JARID2: variants seen among roughly 807,000 people sequenced by gnomAD.
JARID2 encodes jumonji and AT-rich interaction domain containing 2.
A neutral mutation model predicts 125.6 loss-of-function variants in JARID2; 21 were observed. That is an observed-to-expected ratio of 0.17 (90% CI 0.12 to 0.24). The LOEUF is 0.24. Among genes scored for constraint, JARID2 ranks in the 10% least tolerant of loss-of-function variants. The pLI is 1.00. For synonymous variants in JARID2, 736 were observed against 661.6 expected (o/e 1.11, Z -1.73); for missense variants, 1,303 against 1,639.6 (o/e 0.79, Z 3.55).
chr6:15,447,849 C>T (rs945130895), intron 3 of JARID2, among the ~76,000 whole-genome samples: 3 of 152,352 alleles, frequency 2.0e-5, no homozygotes, highest in Non-Finnish European at 4.4e-5. Flanking sequence ...CTGCTCCTGC[C>T]ATTAGCATCT....
intron 3 of JARID2, among the ~76,000 whole-genome samples, chr6:15,433,596 A>G (rs1767065442): frequency 6.6e-6 from 1 of 152,192 alleles, no homozygotes; most frequent in African/African-American, 2.4e-5. Flanking sequence ...TTAGGCGGTC[A>G]TATGCTGGCT....
At chr6:15,448,093 A>G (rs957958149) in intron 3 of JARID2, among the ~76,000 whole-genome samples, 1 of 152,132 alleles carries the variant, frequency 6.6e-6, no homozygotes, top group Non-Finnish European at 1.5e-5. Context: ...TAGACAATAC[A>G]GGTTCTTCTG....
intron 1 of JARID2, among the ~76,000 whole-genome samples, chr6:15,269,072 T>TGTGCTGAACCATCATGTCTTTG (rs1253085232): frequency 6.6e-6 from 1 of 152,224 alleles, no homozygotes; most frequent in Non-Finnish European, 1.5e-5. Context: ...TATCAAAAGA[T>TGTGCTGAACCATCATGTCTTTG]GTGCTGAACC....
chr6:15,468,170 T>TG (rs1491198702), intron 4 of JARID2, among the ~76,000 whole-genome samples: 1 of 29,016 alleles, frequency 3.4e-5, no homozygotes, highest in Non-Finnish European at 6.6e-5. Flanking sequence ...CTTCTCTGTC[T>TG]TTTTTTTTTT....
chr6:15,376,965 G>A (rs975007125), intron 2 of JARID2, among the ~76,000 whole-genome samples: 1 of 152,142 alleles, frequency 6.6e-6, no homozygotes, highest in African/African-American at 2.4e-5. Context: ...GCATATATAT[G>A]TGGACGTGTC....
chr6:15,508,937 T>A, intron 12 of JARID2: 1 of 1,287,018 alleles, frequency 7.8e-7, no homozygotes, highest in Non-Finnish European at 1.0e-6. Context: ...ATATAAACCG[T>A]GGTATTTCAT....
At chr6:15,270,986 A>G (rs1760277209) in intron 1 of JARID2, among the ~76,000 whole-genome samples, 1 of 152,068 alleles carries the variant, frequency 6.6e-6, no homozygotes, top group African/African-American at 2.4e-5. Flanking sequence ...ACCTTGGGCA[A>G]ATCCCACACT....
intron 1 of JARID2, among the ~76,000 whole-genome samples, chr6:15,359,425 C>T (rs959579889): frequency 1.3e-5 from 2 of 152,156 alleles, no homozygotes; most frequent in East Asian, 1.9e-4. Flanking sequence ...TTCACTGCCA[C>T]ACACATATTT....
intron 1 of JARID2, among the ~76,000 whole-genome samples, chr6:15,251,026 C>T (rs541802926): frequency 7.9e-5 from 12 of 151,402 alleles, no homozygotes; most frequent in Middle Eastern, 3.4e-3. Flanking sequence ...TTTTTTGTTT[C>T]CTTTTTTTTT....
chr6:15,439,031 C>CAAAA (rs754404770), intron 3 of JARID2, among the ~76,000 whole-genome samples: 195 of 85,782 alleles, frequency 2.3e-3, no homozygotes, highest in Non-Finnish European at 3.7e-3. Flanking sequence ...GACTCTGTCT[C>CAAAA]AAAAAAAAAA....
chr6:15,471,967 T>A (rs540464897), intron 5 of JARID2, among the ~76,000 whole-genome samples: 1 of 152,274 alleles, frequency 6.6e-6, no homozygotes, highest in African/African-American at 2.4e-5. Context: ...CTTAGGAGAT[T>A]CTACTTTTTC....
chr6:15,347,317 A>AAGTAT (rs1763275859), intron 1 of JARID2, among the ~76,000 whole-genome samples: 1 of 152,172 alleles, frequency 6.6e-6, no homozygotes, highest in African/African-American at 2.4e-5. Context: ...GAAATGCAGG[A>AAGTAT]CTTAACGAGA....
chr6:15,360,213 C>T (rs1482858728), intron 1 of JARID2, among the ~76,000 whole-genome samples: 2 of 151,764 alleles, frequency 1.3e-5, no homozygotes, highest in Non-Finnish European at 2.9e-5. Flanking sequence ...GACTGAGTCT[C>T]ACTGTGTAGC....
At chr6:15,413,437 T>A (rs1765992432) in intron 3 of JARID2, among the ~76,000 whole-genome samples, 1 of 152,226 alleles carries the variant, frequency 6.6e-6, no homozygotes, top group Admixed American at 6.5e-5. Context: ...ACAGAATAGC[T>A]GAGACGGGGT....
intron 1 of JARID2, 132 bp downstream of exon 1, chr6:15,246,716 G>GA (rs1259087211): frequency 1.2e-6 from 1 of 827,138 alleles, no homozygotes; most frequent in Non-Finnish European, 2.0e-6. Context: ...TTTTTTTTCT[G>GA]AAAGAGGGCT....
chr6:15,308,400 G>C (rs1332425932), intron 1 of JARID2, among the ~76,000 whole-genome samples: 1 of 152,164 alleles, frequency 6.6e-6, no homozygotes, highest in Non-Finnish European at 1.5e-5. Flanking sequence ...TGTTTGTGCT[G>C]TTTGTCATTT....
Position 15,479,552 on chromosome 6 carries a change from T to C in JARID2, c.671-7755T>C, listed in dbSNP as rs190027683. Among the ~76,000 whole-genome samples the C allele has an allele frequency of 3.3e-5, 5 of 152,342 alleles. No homozygotes were observed. The East Asian group carries it at 9.6e-4, about 29-fold the overall frequency. On this transcript the variant is annotated intron_variant, in intron 5 of 17. Coordinates refer to ENST00000341776, the MANE Select transcript of JARID2 (RefSeq NM_004973.4). ...GTTCTTCTATAGAAAAGGAAGAAGATGTGATTGGCTTTAAACATTCTATTT... is the reference window on the plus strand; with the variant it reads ...GTTCTTCTATAGAAAAGGAAGAAGACGTGATTGGCTTTAAACATTCTATTT...
chr6:15,246,824 A>G (rs1759198494), intron 1 of JARID2, among the ~76,000 whole-genome samples: 1 of 152,198 alleles, frequency 6.6e-6, no homozygotes, highest in South Asian at 2.1e-4. Context: ...CACAACCATA[A>G]TCTACTTTTA....
chr6:15,277,215 A>G (rs1052576772), intron 1 of JARID2, among the ~76,000 whole-genome samples: 6 of 152,218 alleles, frequency 3.9e-5, no homozygotes, highest in African/African-American at 1.4e-4. Flanking sequence ...GGCCTGAAGT[A>G]GCACGCAGTG....
Sources: gnomAD v4.1 joint callset for allele counts (sites outside exome capture counted in the v4.1 genomes callset) on GRCh38, gnomAD v4.1.1 for gene constraint, MANE v1.5 for transcripts, NCBI Gene and HGNC (gene_info 2026-07-23, HGNC 2026-07-21) for gene names.